CA10: variants seen among roughly 807,000 people sequenced by gnomAD.
CA10 encodes carbonic anhydrase-related protein 10.
Under a neutral mutation model 44.2 loss-of-function variants are expected in CA10, and 14 were observed. The ratio of observed to expected loss-of-function variants is 0.32; its 90% CI spans 0.21 to 0.50. The LOEUF (loss-of-function observed/expected upper bound fraction) is 0.50. CA10 is among the 20% of genes least tolerant of loss of function. The probability of loss-of-function intolerance (pLI) is 0.99; values close to 1 mark genes in which losing one functional copy is unlikely to be tolerated. For missense variants in CA10, 350 were observed against 409.7 expected (o/e 0.85, Z 1.26); for synonymous variants, 159 against 141.6 (o/e 1.12, Z -0.87).
chr17:52,142,448 A>G (rs1290212002), intron 1 of CA10, among the ~76,000 whole-genome samples: 1 of 152,186 alleles, frequency 6.6e-6, no homozygotes, highest in Admixed American at 6.5e-5. Context: ...ATAATACTGT[A>G]CTAAATGCTT....
intron 2 of CA10, among the ~76,000 whole-genome samples, chr17:51,949,670 G>A (rs1043826572): frequency 6.6e-6 from 1 of 152,132 alleles, no homozygotes; most frequent in Non-Finnish European, 1.5e-5. Context: ...TTGGCCCTCA[G>A]AGTCTTATAA....
intron 4 of CA10, among the ~76,000 whole-genome samples, chr17:51,654,979 G>C (rs912598916): frequency 6.6e-6 from 1 of 151,658 alleles, no homozygotes. Context: ...GTACATCCTT[G>C]TGGTTACTTG....
chr17:51,939,980 A>G (rs1164745789), intron 2 of CA10, among the ~76,000 whole-genome samples: 1 of 152,056 alleles, frequency 6.6e-6, no homozygotes, highest in African/African-American at 2.4e-5. Context: ...ACTACAGGTT[A>G]TATACGTGTT....
At chr17:51,779,387 TATTG>T (rs541278871) in intron 3 of CA10, among the ~76,000 whole-genome samples, 32 of 152,310 alleles carry the variant, frequency 2.1e-4, no homozygotes, top group Admixed American at 6.5e-4. Context: ...GATGCATTAA[TATTG>T]ATTAAGAAAC....
chr17:52,144,331 T>C (rs1019858999), intron 1 of CA10, among the ~76,000 whole-genome samples: 1 of 152,216 alleles, frequency 6.6e-6, no homozygotes, highest in African/African-American at 2.4e-5. Context: ...TAGAATTTAC[T>C]AATGTATTAA....
In CA10 at chr17:52,051,017, GAAGGAAGGAAGGAAGGGAAGGA is replaced by G. The variant is rs367825550; in HGVS notation, c.136+21280_136+21301del. Among the ~76,000 whole-genome samples the G allele has an allele frequency of 4.8e-3, 716 of 150,238 alleles. 2 individuals carry two copies. The highest frequency in any genetic ancestry group is 0.016 in the African/African-American group (672 of 40,908). On this transcript the variant is annotated intron_variant, in intron 2 of 8. Transcript: ENST00000451037. ...GGAAGGAAGGAAGGAAGGAAGGAACGAAGGAAGGAAGGAAGGGAAGGAAAGGAAGGAGGGAGGGAGGGGAAAA... is the reference window on the plus strand; with the variant it reads ...GGAAGGAAGGAAGGAAGGAAGGAACGAAGGAAGGAGGGAGGGAGGGGAAAA...
At chr17:51,698,597 T>C (rs973460121) in intron 4 of CA10, among the ~76,000 whole-genome samples, 1 of 152,230 alleles carries the variant, frequency 6.6e-6, no homozygotes, top group Non-Finnish European at 1.5e-5. Flanking sequence ...TCTACCCTCA[T>C]ACAAATTTCA....
At chr17:51,700,537 T>G (rs904514959) in intron 4 of CA10, among the ~76,000 whole-genome samples, 3 of 152,160 alleles carry the variant, frequency 2.0e-5, no homozygotes, top group Non-Finnish European at 4.4e-5. Flanking sequence ...GCTGCCACAT[T>G]GTTCCCCACC....
chr17:51,876,333 CT>C (rs536929648), intron 3 of CA10, among the ~76,000 whole-genome samples: 4 of 142,058 alleles, frequency 2.8e-5, no homozygotes, highest in South Asian at 4.7e-4. Context: ...CACCCAGCTA[CT>C]TTTTTTTCAT....
intron 4 of CA10, among the ~76,000 whole-genome samples, chr17:51,741,995 G>C (rs563078107): frequency 6.6e-6 from 1 of 152,202 alleles, no homozygotes; most frequent in Non-Finnish European, 1.5e-5. Flanking sequence ...CTTTTTAATA[G>C]CATCCTTTAA....
At chr17:51,632,649 G>A (rs552066206) in intron 8 of CA10, among the ~76,000 whole-genome samples, 8 of 152,302 alleles carry the variant, frequency 5.3e-5, no homozygotes, top group African/African-American at 1.9e-4. Context: ...CAGGTCTAGG[G>A]GGTAAACAAT....
intron 3 of CA10, among the ~76,000 whole-genome samples, chr17:51,812,414 T>C (rs1907406176): frequency 6.6e-6 from 1 of 152,228 alleles, no homozygotes; most frequent in Non-Finnish European, 1.5e-5. Flanking sequence ...ATCATGTTGC[T>C]GTGAAATTCA....
At chr17:51,727,493 C>T (rs1293284663) in intron 4 of CA10, among the ~76,000 whole-genome samples, 2 of 152,022 alleles carry the variant, frequency 1.3e-5, no homozygotes, top group African/African-American at 4.8e-5. Context: ...GTGAGTGATG[C>T]CCAGAAATGC....
intron 6 of CA10, among the ~76,000 whole-genome samples, chr17:51,638,149 C>T (rs1195612594): frequency 6.6e-6 from 1 of 152,220 alleles, no homozygotes; most frequent in Non-Finnish European, 1.5e-5. Context: ...ACTTGAATTT[C>T]AGTGTTGCTT....
intron 2 of CA10, among the ~76,000 whole-genome samples, chr17:52,051,151 A>T (rs1363997723): frequency 6.6e-6 from 1 of 151,492 alleles, no homozygotes; most frequent in Non-Finnish European, 1.5e-5. Context: ...TGAGGGAGGG[A>T]TGAAGAGAGA....
intron 4 of CA10, among the ~76,000 whole-genome samples, chr17:51,732,314 C>A (rs1337313946): frequency 6.6e-6 from 1 of 152,212 alleles, no homozygotes; most frequent in East Asian, 1.9e-4. Flanking sequence ...ATGCTAAATT[C>A]TTTGAGTGTA....
At chr17:51,636,085 CAT>C in intron 6 of CA10, 76 bp from the exon 7 acceptor site, 1 of 750,640 alleles carries the variant, frequency 1.3e-6, no homozygotes, top group Non-Finnish European at 2.1e-6. Context: ...TACATACATA[CAT>C]ACATATACAT....
intron 2 of CA10, among the ~76,000 whole-genome samples, chr17:51,943,434 G>T (rs1019258785): frequency 6.6e-6 from 1 of 152,170 alleles, no homozygotes; most frequent in Non-Finnish European, 1.5e-5. Context: ...TCTCTAAAGG[G>T]TTTTTAAAGA....
At chr17:52,147,446 C>A (rs1187394832) in intron 1 of CA10, among the ~76,000 whole-genome samples, 1 of 151,552 alleles carries the variant, frequency 6.6e-6, no homozygotes, top group African/African-American at 2.4e-5. Context: ...TATGCCTTTA[C>A]CTGGCTTAGT....
Sources: allele counts gnomAD v4.1 joint callset (sites outside exome capture counted in the v4.1 genomes callset), GRCh38; gene constraint gnomAD v4.1.1; transcripts MANE v1.5; gene names NCBI Gene and HGNC (gene_info 2026-07-23, HGNC 2026-07-21).